Variants in LRRTM4 observed in about 807,000 individuals in gnomAD.
The protein encoded by LRRTM4 is leucine-rich repeat transmembrane neuronal protein 4.
LRRTM4 carries 25 observed loss-of-function variants against 47.6 expected under a neutral mutation model. That is an observed-to-expected ratio of 0.53 (90% CI 0.38 to 0.73). The LOEUF is 0.73. Ranked by LOEUF, LRRTM4 falls within the 30% of genes least tolerant of loss-of-function variation. LRRTM4 has a pLI of 0.00. For missense variants in LRRTM4, 638 were observed against 713.4 expected, an observed-to-expected ratio of 0.89 and a Z score of 1.20; for synonymous variants, 311 against 269.5, an observed-to-expected ratio of 1.15 and a Z score of -1.51.
At chr2:76,863,048 G>A (rs1672364855) in intron 3 of LRRTM4, among the ~76,000 whole-genome samples, 4 of 152,156 alleles carry the variant, frequency 2.6e-5, no homozygotes, top group Admixed American at 2.6e-4. Context: ...GAAGCATTTA[G>A]CTGGCATCTT....
At chr2:76,750,863 C>T (rs1483958379) in intron 3 of LRRTM4, among the ~76,000 whole-genome samples, 6 of 152,240 alleles carry the variant, frequency 3.9e-5, no homozygotes, top group Non-Finnish European at 5.9e-5. Flanking sequence ...AAAGTCACCT[C>T]CTCACAGTTT....
intron 3 of LRRTM4, among the ~76,000 whole-genome samples, chr2:77,310,867 T>C (rs957094597): frequency 6.6e-6 from 1 of 151,994 alleles, no homozygotes. Flanking sequence ...CACATATATA[T>C]TTAGAGAGAG....
chr2:76,893,432 T>G (rs559265426), intron 3 of LRRTM4, among the ~76,000 whole-genome samples: 2 of 151,816 alleles, frequency 1.3e-5, no homozygotes, highest in Non-Finnish European at 3.0e-5. Flanking sequence ...AAGTTAAAAA[T>G]AATAACTAAA....
At chr2:76,852,347 A>G (rs1478582629) in intron 3 of LRRTM4, among the ~76,000 whole-genome samples, 1 of 152,096 alleles carries the variant, frequency 6.6e-6, no homozygotes, top group Non-Finnish European at 1.5e-5. Context: ...GCTTCATAAC[A>G]TTGTCTTACT....
At chr2:76,956,193 A>G (rs1675669878) in intron 3 of LRRTM4, among the ~76,000 whole-genome samples, 1 of 151,908 alleles carries the variant, frequency 6.6e-6, no homozygotes, top group East Asian at 2.0e-4. Context: ...ATCACTTGTT[A>G]GGTCATAAAG....
intron 3 of LRRTM4, among the ~76,000 whole-genome samples, chr2:76,923,007 AAC>A (rs1375988508): frequency 6.6e-6 from 1 of 152,148 alleles, no homozygotes; most frequent in Non-Finnish European, 1.5e-5. Context: ...TTTAGGGGCA[AAC>A]ACAATAGAGT....
At chr2:76,781,797 C>T (rs114252704) in intron 3 of LRRTM4, among the ~76,000 whole-genome samples, 2,735 of 151,746 alleles carry the variant, frequency 0.018, 94 homozygotes, top group African/African-American at 0.061. Context: ...TGTGGCATTT[C>T]TATTTTTTTT....
At chr2:77,278,879 G>A (rs1360630438) in intron 3 of LRRTM4, among the ~76,000 whole-genome samples, 4 of 151,920 alleles carry the variant, frequency 2.6e-5, no homozygotes, top group Admixed American at 6.6e-5. Flanking sequence ...GACTGTCCTT[G>A]TTCCACTAGC....
chr2:77,066,731 G>T (rs1035356421), intron 3 of LRRTM4, among the ~76,000 whole-genome samples: 1 of 152,172 alleles, frequency 6.6e-6, no homozygotes, highest in Non-Finnish European at 1.5e-5. Flanking sequence ...ACATAGGAAA[G>T]GTATGTGTGA....
At chr2:77,127,197 T>C (rs1671671051) in intron 3 of LRRTM4, among the ~76,000 whole-genome samples, 1 of 152,206 alleles carries the variant, frequency 6.6e-6, no homozygotes, top group Non-Finnish European at 1.5e-5. Flanking sequence ...ATGTTTGTCT[T>C]TTCTGGTCAC....
Position 76,979,541 on chromosome 2 carries a change from G to GTATATATA in LRRTM4, c.1552-230633_1552-230626dup, listed in dbSNP as rs70939837. Reference sequence around the variant, plus strand: ...ATTCAGACTGCAAAACTGAATTTCTGTATATATATATGCTCTTCCTCTATA... The same window carrying GTATATATA: ...ATTCAGACTGCAAAACTGAATTTCTGTATATATATATATATATATGCTCTTCCTCTATA... On this transcript the variant is annotated intron_variant, in intron 3 of 3. Transcript: ENST00000409884. Among the ~76,000 whole-genome samples the GTATATATA allele has an allele frequency of 3.0e-4, 38 of 126,958 alleles. 3 individuals carry two copies. In the South Asian group the frequency reaches 3.1e-3, roughly 10 times the overall value. The allele number at this position is 126,958 out of a possible 152,430, so 83.3% of individuals were successfully genotyped here. A position where few individuals can be genotyped will look rare whatever the true frequency, so the allele number is the denominator to read the frequency against.
chr2:77,271,783 T>C (rs1230526858), intron 3 of LRRTM4, among the ~76,000 whole-genome samples: 1 of 152,206 alleles, frequency 6.6e-6, no homozygotes, highest in Non-Finnish European at 1.5e-5. Flanking sequence ...GCCAAATTCC[T>C]TATCAGAAGA....
chr2:76,854,637 C>A (rs1034140), intron 3 of LRRTM4, among the ~76,000 whole-genome samples: 19,618 of 152,052 alleles, frequency 0.13, 1,822 homozygotes, highest in East Asian at 0.47. Context: ...ATCCAGCACA[C>A]CACTGCCTGG....
chr2:76,904,328 C>G (rs574166521), intron 3 of LRRTM4, among the ~76,000 whole-genome samples: 26 of 152,240 alleles, frequency 1.7e-4, no homozygotes, highest in Middle Eastern at 6.8e-3. Flanking sequence ...ACTGACCACA[C>G]CAGATTTGAT....
intron 3 of LRRTM4, among the ~76,000 whole-genome samples, chr2:76,837,357 G>T (rs149482390): frequency 0.092 from 14,026 of 151,846 alleles, 1,027 homozygotes; most frequent in East Asian, 0.29. Flanking sequence ...TTTTTTGAAG[G>T]GTTTTTTTTG....
intron 3 of LRRTM4, among the ~76,000 whole-genome samples, chr2:77,043,288 C>A (rs562369747): frequency 3.7e-4 from 56 of 151,802 alleles, no homozygotes; most frequent in Non-Finnish European, 6.0e-4. Flanking sequence ...CAACTAATAA[C>A]TGACTTTCTT....
rs117836770 is a variant in LRRTM4 at position 76,769,496 on chromosome 2, C to T, written c.1552-20580G>A. Among the ~76,000 whole-genome samples the T allele has an allele frequency of 1.2e-3, 182 of 151,470 alleles. 2 individuals are homozygous for T. In the East Asian group the frequency reaches 0.03, roughly 25 times the overall value. ...AATTAAATGAATTTCGGATTTGAGA[C>T]GTCTCTAAATAAAAGCTCACTTGCA... On this transcript the variant is annotated intron_variant, in intron 3 of 3. Coordinates refer to ENST00000409884, the MANE Select transcript of LRRTM4 (RefSeq NM_001134745.3).
In LRRTM4 at chr2:76,776,990, T is replaced by C. The variant is rs557182705; in HGVS notation, c.1552-28074A>G. ...CTTTCTACATATGGCTAGCCAGTTTTCCCAGCACCATTTATTAAATAGGGA... is the reference window on the plus strand; with the variant it reads ...CTTTCTACATATGGCTAGCCAGTTTCCCCAGCACCATTTATTAAATAGGGA... On this transcript the variant is annotated intron_variant, in intron 3 of 3. Coordinates refer to ENST00000409884, the MANE Select transcript of LRRTM4 (RefSeq NM_001134745.3). 7.7e-4 allele frequency among the ~76,000 whole-genome samples: 102 copies of C among 132,204 alleles called. No individual in the cohort carries two copies. The South Asian group carries it at 0.026, about 34-fold the overall frequency. 86.7% of individuals were successfully genotyped at this position (132,204 alleles called of 152,430 possible).
chr2:77,127,941 G>C (rs900513354), intron 3 of LRRTM4, among the ~76,000 whole-genome samples: 40 of 152,086 alleles, frequency 2.6e-4, no homozygotes, highest in African/African-American at 9.7e-4. Flanking sequence ...TCAGGAGTTC[G>C]AGACCTGCCT....
Sources: allele counts gnomAD v4.1 joint callset (sites outside exome capture counted in the v4.1 genomes callset), GRCh38; gene constraint gnomAD v4.1.1; transcripts MANE v1.5; gene names NCBI Gene and HGNC (gene_info 2026-07-23, HGNC 2026-07-21).